DCTD: variants seen among roughly 807,000 people sequenced by gnomAD.
The protein encoded by DCTD is deoxycytidylate deaminase.
DCTD carries 23 observed loss-of-function variants against 21.0 expected under a neutral mutation model. The ratio of observed to expected loss-of-function variants is 1.09; its 90% confidence interval spans 0.79 to 1.55. DCTD has a LOEUF of 1.55. Ranked by LOEUF, DCTD falls within the 40% of genes most tolerant of loss-of-function variation. DCTD has a pLI of 0.00. For synonymous variants in DCTD, 71 were observed against 81.1 expected (o/e 0.88, Z 0.67); for missense variants, 224 against 230.0 (o/e 0.97, Z 0.17).
At chr4:182,915,735 TCTG>T in intron 1 of DCTD, 160 bp from the exon 2 acceptor site, 1 of 732,000 alleles carries the variant, frequency 1.4e-6, no homozygotes, top group East Asian at 2.7e-5. Context: ...CTAAACAGTC[TCTG>T]GTCTTAAGTA....
rs763298312 is a variant in DCTD at position 182,893,031 on chromosome 4, C to T, written c.458G>A (p.Arg153Gln). 5.6e-6 allele frequency: 9 copies of T among 1,604,584 alleles called. No homozygotes were observed. The highest frequency in any genetic ancestry group is 2.2e-5 in the East Asian group (1 of 44,830). Residue 153 changes from arginine to glutamine, a missense_variant and splice_region_variant, in exon 5 of 6, where the codon CGG (arginine) becomes CAG (glutamine). Arg to Gln is a conservative substitution (Grantham distance 43). Transcript: ENST00000438320. ...LLFNMAGVTFRKFIPKCSKIV... is the reference protein window; with the variant it reads ...LLFNMAGVTFQKFIPKCSKIV... ...CCCCGCCCGCATTCTCCCCACTTAC[C>T]GGAATGTCACCCCGGCCATATTAAA...
Position 182,914,940 on chromosome 4 carries a change from T to A in DCTD, c.227A>T (p.Asp76Val), listed in dbSNP as rs368912929. 124 of 1,614,128 alleles carry A rather than the reference T, an allele frequency of 7.7e-5. No homozygotes were observed. The highest frequency in any genetic ancestry group is 1.0e-4 in the Non-Finnish European group (118 of 1,180,058). ...TGCCCTACCGTACGGGTATTTGGTG[T>A]CCAGCTTATTCTCTGCTGTCCTTCT... ...PWRRTAENKL[D>V]TKYPYVCHAE... The change falls in exon 3 of 6, where the codon GAC (aspartate) becomes GTC (valine). Residue 76 changes from aspartate (D) to valine (V), a missense_variant. Coordinates refer to ENST00000438320, the MANE Select transcript of DCTD (RefSeq NM_001921.3).
chr4:182,903,910 G>C (rs550834590), intron 3 of DCTD, among the ~76,000 whole-genome samples: 2 of 152,074 alleles, frequency 1.3e-5, no homozygotes, highest in Admixed American at 6.5e-5. Context: ...CTCCAAGAAC[G>C]GTTAGAAAGA....
At chr4:182,904,460 T>C (rs960621650) in intron 3 of DCTD, among the ~76,000 whole-genome samples, 5 of 152,182 alleles carry the variant, frequency 3.3e-5, no homozygotes, top group African/African-American at 7.2e-5. Flanking sequence ...AAGCCTCCTT[T>C]GTGTGTTAAT....
chr4:182,899,399 C>CTT (rs548073020), intron 3 of DCTD, among the ~76,000 whole-genome samples: 10,876 of 144,106 alleles, frequency 0.075, 621 homozygotes, highest in African/African-American at 0.15. Flanking sequence ...CCTTTTTTTT[C>CTT]TTTTTCTTTT....
At chr4:182,893,637 C>T (rs762814075) in intron 4 of DCTD, among the ~76,000 whole-genome samples, 2 of 152,254 alleles carry the variant, frequency 1.3e-5, no homozygotes, top group Non-Finnish European at 2.9e-5. Flanking sequence ...CCAAGGGCCC[C>T]GCACTGAAGG....
In DCTD at chr4:182,917,304, C is replaced by T; in HGVS notation, c.-8+7G>A. 1 of 1,078,978 alleles carries T rather than the reference C, an allele frequency of 9.3e-7. No homozygotes were observed. Among genetic ancestry groups the T allele is most frequent in the Non-Finnish European group, 1.1e-6 (1 of 891,712 alleles). The allele number at this position is 1,078,978 out of a possible 1,614,324, so 66.8% of individuals were successfully genotyped here. On this transcript the variant is annotated splice_region_variant and intron_variant, in intron 1 of 5. Coordinates refer to ENST00000438320, the MANE Select transcript of DCTD (RefSeq NM_001921.3). This position sits in a 1 kb window ranked among gnomAD's most constrained non-coding sequence, Gnocchi z 4.9. ...GCCGCGTACCCGCACGGCTGGCCCC[C>T]GCCCACCATCCGGTGCCGGCTCCGC...
At chr4:182,891,899 T>C (rs1298021379) in intron 5 of DCTD, among the ~76,000 whole-genome samples, 2 of 151,890 alleles carry the variant, frequency 1.3e-5, no homozygotes, top group Non-Finnish European at 2.9e-5. Flanking sequence ...AAAAAACGAC[T>C]ACCTTTAGTG....
At chr4:182,917,485 G>C (rs1014986771), upstream of DCTD, 1 of 313,414 alleles carries the variant, frequency 3.2e-6, no homozygotes, top group African/African-American at 2.3e-5. The surrounding 1 kb of genome is among the most constrained non-coding windows in gnomAD (Gnocchi z 4.9). Flanking sequence ...CCTGAGGGGA[G>C]GGAGGGAGGG....
chr4:182,899,598 G>A (rs1735363165), intron 3 of DCTD, among the ~76,000 whole-genome samples: 2 of 151,898 alleles, frequency 1.3e-5, no homozygotes, highest in Admixed American at 6.5e-5. Flanking sequence ...ACAGGGTTTC[G>A]CTATGTTGGC....
intron 1 of DCTD, chr4:182,916,314 G>T: frequency 1.1e-6 from 1 of 916,828 alleles, no homozygotes; most frequent in Non-Finnish European, 1.3e-6. Context: ...GTCTACGGCA[G>T]GGAGAGCCCA....
chr4:182,896,266 C>T (rs80121962), intron 3 of DCTD, among the ~76,000 whole-genome samples: 1,586 of 152,340 alleles, frequency 0.01, 24 homozygotes, highest in African/African-American at 0.036. Context: ...CTCTCGTGTT[C>T]GGGTGCAGCT....
At chr4:182,908,453 G>A (rs1309943484) in intron 3 of DCTD, among the ~76,000 whole-genome samples, 3 of 152,054 alleles carry the variant, frequency 2.0e-5, no homozygotes, top group Non-Finnish European at 4.4e-5. Context: ...AGGCTGAGGC[G>A]GGTGGATCAC....
chr4:182,905,449 C>A (rs13123593), intron 3 of DCTD, among the ~76,000 whole-genome samples: 9,218 of 151,728 alleles, frequency 0.061, 337 homozygotes, highest in South Asian at 0.11. Context: ...CTGCCTCAGC[C>A]TCCCAAGTAG....
At chr4:182,905,825 G>A (rs1242209579) in intron 3 of DCTD, among the ~76,000 whole-genome samples, 14 of 152,156 alleles carry the variant, frequency 9.2e-5, no homozygotes, top group Admixed American at 9.2e-4. Context: ...ACCCTTTGCA[G>A]GGAGCGCTCA....
intron 3 of DCTD, among the ~76,000 whole-genome samples, chr4:182,903,019 C>G (rs1395868912): frequency 6.6e-6 from 1 of 152,220 alleles, no homozygotes; most frequent in Non-Finnish European, 1.5e-5. Flanking sequence ...TGTGCCTACA[C>G]AAAGGTAATA....
At chr4:182,892,099 A>T (rs1265313317) in intron 5 of DCTD, among the ~76,000 whole-genome samples, 1 of 152,130 alleles carries the variant, frequency 6.6e-6, no homozygotes, top group Admixed American at 6.5e-5. Flanking sequence ...TTGAATTTAA[A>T]GTCTCAGAAG....
intron 3 of DCTD, among the ~76,000 whole-genome samples, chr4:182,907,065 T>C (rs909386482): frequency 1.3e-5 from 2 of 152,252 alleles, no homozygotes; most frequent in Admixed American, 1.3e-4. Context: ...TCTTAACCTC[T>C]TGTCTCTTTC....
intron 3 of DCTD, among the ~76,000 whole-genome samples, chr4:182,895,372 A>C (rs1734558217): frequency 6.6e-6 from 1 of 152,192 alleles, no homozygotes; most frequent in Non-Finnish European, 1.5e-5. Flanking sequence ...TGCCCAGCCC[A>C]GTCTGTCTTT....
Sources: gnomAD v4.1 joint callset for allele counts (sites outside exome capture counted in the v4.1 genomes callset) on GRCh38, gnomAD v4.1.1 for gene constraint, Gnocchi (gnomAD v3.1) non-coding constraint, MANE v1.5 for transcripts, NCBI Gene and HGNC (gene_info 2026-07-23, HGNC 2026-07-21) for gene names.